Variants in MAN2A1 observed in about 807,000 individuals in gnomAD.
MAN2A1 encodes the protein alpha-mannosidase 2.
Under a neutral mutation model 142.6 loss-of-function variants are expected in MAN2A1, and 76 were observed. The ratio of observed to expected loss-of-function variants is 0.53; its 90% CI spans 0.44 to 0.65. The LOEUF (loss-of-function observed/expected upper bound fraction) is 0.65. Ranked by LOEUF, MAN2A1 falls within the 30% of genes least tolerant of loss-of-function variation. The pLI, the probability that MAN2A1 is intolerant of heterozygous loss-of-function variation, is 0.00. For missense variants in MAN2A1, 1,311 were observed against 1,365.1 expected (o/e 0.96, Z 0.62); for synonymous variants, 559 against 473.2 (o/e 1.18, Z -2.35).
intron 3 of MAN2A1, among the ~76,000 whole-genome samples, chr5:109,718,667 A>G (rs893696045): frequency 6.6e-6 from 1 of 152,006 alleles, no homozygotes; most frequent in Non-Finnish European, 1.5e-5. Context: ...TCCACCACAT[A>G]CTCATACTGC....
At chr5:109,696,165 A>G (rs1227112584) in intron 1 of MAN2A1, among the ~76,000 whole-genome samples, 1 of 151,910 alleles carries the variant, frequency 6.6e-6, no homozygotes, top group Non-Finnish European at 1.5e-5. Flanking sequence ...CAGTGGTGCA[A>G]TCTCAGCTCA....
chr5:109,741,688 A>G (rs1752271938), intron 4 of MAN2A1, among the ~76,000 whole-genome samples: 2 of 152,334 alleles, frequency 1.3e-5, no homozygotes, highest in South Asian at 2.1e-4. Flanking sequence ...CTTATAATCT[A>G]TTCTAGCAGT....
chr5:109,744,750 C>T (rs916455017), intron 4 of MAN2A1, among the ~76,000 whole-genome samples: 4 of 152,034 alleles, frequency 2.6e-5, no homozygotes, highest in African/African-American at 9.7e-5. Context: ...TCTGGGGGCT[C>T]CACTCCTAGC....
intron 12 of MAN2A1, among the ~76,000 whole-genome samples, chr5:109,799,618 G>A (rs1334439110): frequency 1.3e-5 from 2 of 151,966 alleles, no homozygotes; most frequent in Non-Finnish European, 2.9e-5. Flanking sequence ...GCTGCGCATG[G>A]TGGCGCATGC....
At chr5:109,734,827 C>T (rs1000995172) in intron 4 of MAN2A1, among the ~76,000 whole-genome samples, 4 of 152,038 alleles carry the variant, frequency 2.6e-5, no homozygotes, top group Non-Finnish European at 4.4e-5. Context: ...TGGTGCGGTG[C>T]TGAAAAAAAT....
At chr5:109,833,019 T>G (rs2112744863) in intron 16 of MAN2A1, among the ~76,000 whole-genome samples, 1 of 149,714 alleles carries the variant, frequency 6.7e-6, no homozygotes, top group East Asian at 2.0e-4. Flanking sequence ...GAGGCGCTCC[T>G]CACATCCCAG....
chr5:109,863,113 C>G (rs1406563283), intron 20 of MAN2A1: 1 of 152,134 alleles, frequency 6.6e-6, no homozygotes, highest in African/African-American at 2.4e-5. Context: ...AGGATGGACC[C>G]ATGAGTTAAA....
intron 5 of MAN2A1, among the ~76,000 whole-genome samples, chr5:109,756,907 G>A (rs1203138374): frequency 1.3e-5 from 2 of 152,140 alleles, no homozygotes; most frequent in African/African-American, 4.8e-5. Context: ...GCTGAACAGA[G>A]GGTGCCTACA....
At position 109,713,876 on chromosome 5, in the gene MAN2A1, T is replaced by C; in HGVS notation, c.390+102T>C. 3 of 1,071,380 alleles carry C rather than the reference T, an allele frequency of 2.8e-6. No individual in the cohort carries two copies. The South Asian group carries it at 5.2e-5, about 18-fold the overall frequency. The allele number at this position is 1,071,380 out of a possible 1,614,324, so 66.4% of individuals were successfully genotyped here. A position where few individuals can be genotyped will look rare whatever the true frequency, so the allele number is the denominator to read the frequency against. Reference sequence around the variant, plus strand: ...CTGACTTGGTAAGTTGCTTAAACTCTTTGGATTCTAGTTTCTCTTTTTGTA... The same window carrying C: ...CTGACTTGGTAAGTTGCTTAAACTCCTTGGATTCTAGTTTCTCTTTTTGTA... On this transcript the variant is annotated intron_variant, in intron 2 of 21. Transcript: ENST00000261483.
At chr5:109,760,545 TGAG>T (rs1425209183) in intron 5 of MAN2A1, among the ~76,000 whole-genome samples, 1 of 152,162 alleles carries the variant, frequency 6.6e-6, no homozygotes, top group Non-Finnish European at 1.5e-5. Context: ...TCTAGGTACT[TGAG>T]GAATCACCAC....
At chr5:109,773,330 C>G (rs1366028213) in intron 7 of MAN2A1, among the ~76,000 whole-genome samples, 5 of 152,048 alleles carry the variant, frequency 3.3e-5, no homozygotes, top group Admixed American at 3.3e-4. Flanking sequence ...TTTATATGTG[C>G]TTTACACATA....
At chr5:109,713,424 T>A in intron 1 of MAN2A1, 96 bp from the exon 2 acceptor site, 1 of 1,053,778 alleles carries the variant, frequency 9.5e-7, no homozygotes. Context: ...GTGGCTGCCC[T>A]CGTAGGCAAC....
At position 109,823,837 on chromosome 5, in the gene MAN2A1, G is replaced by T; in HGVS notation, c.2566G>T (p.Gly856Ter). 1 of 1,476,964 alleles carries T rather than the reference G, an allele frequency of 6.8e-7. No homozygotes were observed. The allele number at this position is 1,476,964 out of a possible 1,614,324, so 91.5% of individuals were successfully genotyped here. Reference sequence around the variant, plus strand: ...TAGAGTCCGACTATACCACATACAGGGTAAGAAAATAGGAATGCAGTTATG... The same window carrying T: ...TAGAGTCCGACTATACCACATACAGTGTAAGAAAATAGGAATGCAGTTATG... ...THRVRLYHIQ[G>*]IEGQSVEVSN... Residue 856 changes from glycine (G) to a stop codon, truncating the protein, a stop_gained and splice_region_variant, in exon 16 of 22, where the codon GGA becomes TGA. Coordinates refer to ENST00000261483, the MANE Select transcript of MAN2A1 (RefSeq NM_002372.4). LOFTEE classifies it high-confidence loss of function.
chr5:109,809,699 C>T (rs1294564375), intron 12 of MAN2A1, among the ~76,000 whole-genome samples: 1 of 152,134 alleles, frequency 6.6e-6, no homozygotes, highest in Non-Finnish European at 1.5e-5. Flanking sequence ...GGGGATTTAA[C>T]ATGACACACC....
At chr5:109,770,587 C>A in intron 7 of MAN2A1, 46 bp downstream of exon 7, 1 of 1,543,684 alleles carries the variant, frequency 6.5e-7, no homozygotes, top group Non-Finnish European at 8.9e-7. Flanking sequence ...AATAAAGTAG[C>A]CACTTAGCTG....
intron 4 of MAN2A1, among the ~76,000 whole-genome samples, chr5:109,754,065 C>T (rs1006417870): frequency 1.3e-5 from 2 of 151,832 alleles, no homozygotes; most frequent in African/African-American, 4.8e-5. Context: ...TGCACCACCA[C>T]ACCTGGCTAA....
intron 16 of MAN2A1, among the ~76,000 whole-genome samples, chr5:109,830,387 T>G (rs1325612420): frequency 6.6e-6 from 1 of 152,200 alleles, no homozygotes; most frequent in African/African-American, 2.4e-5. Flanking sequence ...TTCATACAAC[T>G]TAGTTTCACA....
rs978127791 is a variant in MAN2A1 at position 109,781,445 on chromosome 5, A to G, written c.1424A>G (p.Asp475Gly). 6.2e-7 allele frequency: 1 copy of G among 1,612,692 alleles called. No individual in the cohort carries two copies. Among genetic ancestry groups the G allele is most frequent in the Admixed American group, 1.7e-5 (1 of 59,650 alleles). Reference sequence around the variant, plus strand: ...TTTTTTGATGCGCTGGATAAAGCAGATGAAACTCAGAGAGACAAGGGCCAA... The same window carrying G: ...TTTTTTGATGCGCTGGATAAAGCAGGTGAAACTCAGAGAGACAAGGGCCAA... Reference protein sequence around the residue: ...SDFFDALDKADETQRDKGQSM... With the variant: ...SDFFDALDKAGETQRDKGQSM... Residue 475 changes from aspartate (D) to glycine (G), a missense_variant, in exon 9 of 22, where the codon GAT becomes GGT. Transcript: ENST00000261483.
At chr5:109,787,729 C>T (rs1198329150) in intron 10 of MAN2A1, among the ~76,000 whole-genome samples, 1 of 151,790 alleles carries the variant, frequency 6.6e-6, no homozygotes, top group Non-Finnish European at 1.5e-5. Context: ...TTCAGGCTGC[C>T]TAATAAAGAT....
Sources: gnomAD v4.1 joint callset for allele counts (sites outside exome capture counted in the v4.1 genomes callset) on GRCh38, gnomAD v4.1.1 for gene constraint, MANE v1.5 for transcripts, NCBI Gene and HGNC (gene_info 2026-07-23, HGNC 2026-07-21) for gene names.